The following WNT7A variants were observed in gnomAD, a reference collection of about 807,000 sequenced individuals.
WNT7A encodes the protein Wnt family member 7A.
WNT7A carries 16 observed loss-of-function variants against 28.2 expected under a neutral mutation model. That is an observed-to-expected ratio of 0.57 (90% CI 0.38 to 0.86). WNT7A has a LOEUF of 0.86. Among genes scored for constraint, WNT7A ranks in the 40% least tolerant of loss-of-function variants. WNT7A has a pLI of 0.00. For synonymous variants in WNT7A, 190 were observed against 195.9 expected, an observed-to-expected ratio of 0.97 and a Z score of 0.25; for missense variants, 411 against 489.7, an observed-to-expected ratio of 0.84 and a Z score of 1.52.
intron 3 of WNT7A, among the ~76,000 whole-genome samples, chr3:13,840,967 A>G (rs1036134967): frequency 1.3e-5 from 2 of 152,202 alleles, no homozygotes; most frequent in African/African-American, 4.8e-5. Flanking sequence ...TCATATTTAC[A>G]TGCAGTAATT....
At chr3:13,859,129 CACCG>C (rs1256176830) in intron 2 of WNT7A, among the ~76,000 whole-genome samples, 6 of 152,236 alleles carry the variant, frequency 3.9e-5, no homozygotes, top group Admixed American at 2.6e-4. Flanking sequence ...TTGTTACTAT[CACCG>C]AGTCCCATTT....
In WNT7A at chr3:13,820,120, T is replaced by C. The variant is rs181824908; in HGVS notation, c.571-697A>G. 5.1e-3 allele frequency among the ~76,000 whole-genome samples: 771 copies of C among 152,344 alleles called. 3 individuals are homozygous for C. Among genetic ancestry groups the C allele is most frequent in the Non-Finnish European group, 6.8e-3 (460 of 68,028 alleles). Reference sequence around the variant, plus strand: ...TCTTTGGGACTAAAGCTTCTCTCCCTTCCTCCACCATCCTAAGTCATGAAT... The same window carrying C: ...TCTTTGGGACTAAAGCTTCTCTCCCCTCCTCCACCATCCTAAGTCATGAAT... On this transcript the variant is annotated intron_variant, in intron 3 of 3. Coordinates refer to ENST00000285018, the MANE Select transcript of WNT7A (RefSeq NM_004625.4).
intron 2 of WNT7A, among the ~76,000 whole-genome samples, chr3:13,862,002 C>T (rs75266705): frequency 0.012 from 1,859 of 152,324 alleles, 38 homozygotes; most frequent in African/African-American, 0.041. Context: ...CAGCTCAGAA[C>T]TCAGATAAGA....
intron 3 of WNT7A, among the ~76,000 whole-genome samples, chr3:13,834,019 G>C (rs1466592690): frequency 2.6e-5 from 4 of 152,218 alleles, no homozygotes; most frequent in Non-Finnish European, 4.4e-5. Flanking sequence ...ACGGGCATAA[G>C]GCTGATACCA....
chr3:13,854,658 C>T lies in WNT7A; in HGVS notation c.444G>A (p.Lys148=), dbSNP rs1694699823. ...QGQYHRDEGW[K]WGGCSADIRY... ...GGATGTCGGCAGAGCAGCCACCCCA[C>T]TTCCAGCCCTCGTCCCGGTGGTACT... The change falls in exon 3 of 4, where the codon AAG becomes AAA. Residue 148 remains lysine (K), a synonymous_variant. Coordinates refer to ENST00000285018, the MANE Select transcript of WNT7A (RefSeq NM_004625.4). The T allele has an allele frequency of 6.2e-7, 1 of 1,614,074 alleles. No individual in the cohort carries two copies. Among genetic ancestry groups the T allele is most frequent in the Non-Finnish European group, 8.5e-7 (1 of 1,180,048 alleles).
At chr3:13,868,136 A>G (rs974076407) in intron 2 of WNT7A, among the ~76,000 whole-genome samples, 8 of 152,104 alleles carry the variant, frequency 5.3e-5, no homozygotes, top group African/African-American at 1.9e-4. Context: ...GACATGAGGG[A>G]GGCTCACAAA....
intron 3 of WNT7A, among the ~76,000 whole-genome samples, chr3:13,820,358 G>A (rs368393951): frequency 6.6e-6 from 1 of 151,736 alleles, no homozygotes; most frequent in Admixed American, 6.6e-5. Context: ...TTTATGTATG[G>A]CATCTTATTA....
At chr3:13,868,729 A>AAAGAAAGAAAGAAAGAAAGG in intron 2 of WNT7A, among the ~76,000 whole-genome samples, 1 of 148,748 alleles carries the variant, frequency 6.7e-6, no homozygotes, top group Non-Finnish European at 1.5e-5. Flanking sequence ...AGAAAGAAAG[A>AAAGAAAGAAAGAAAGAAAGG]AAGAAAGAAG....
intron 3 of WNT7A, among the ~76,000 whole-genome samples, chr3:13,853,652 G>A (rs973501559): frequency 2.0e-5 from 3 of 152,186 alleles, no homozygotes; most frequent in Non-Finnish European, 4.4e-5. Flanking sequence ...GTTGCCCACG[G>A]GCTCATGGCA....
Position 13,829,910 on chromosome 3 carries a change from C to T in WNT7A, c.571-10487G>A, listed in dbSNP as rs938283377. Among the ~76,000 whole-genome samples the T allele has an allele frequency of 3.3e-5, 5 of 152,112 alleles. 1 individual carries two copies. The highest frequency in any genetic ancestry group is 1.2e-4 in the African/African-American group (5 of 41,416). On this transcript the variant is annotated intron_variant, in intron 3 of 3. Transcript: ENST00000285018. ...CCCAGCCCTTCATCCTTTCTCCTGC[C>T]TTCTCCAACACCCAGGTCAACTCAC... is the stretch of plus-strand genomic sequence containing the variant.
chr3:13,820,234 CTTCA>C (rs1694085949), intron 3 of WNT7A, among the ~76,000 whole-genome samples: 3 of 152,166 alleles, frequency 2.0e-5, no homozygotes, highest in Admixed American at 6.5e-5. Context: ...TTTTATTCTC[CTTCA>C]TTCAGACTGT....
intron 3 of WNT7A, among the ~76,000 whole-genome samples, chr3:13,826,385 C>G (rs80246216): frequency 0.1 from 15,504 of 152,160 alleles, 982 homozygotes; most frequent in Middle Eastern, 0.19. Flanking sequence ...GAAGCCTCCC[C>G]CAAGAAGGCC....
At chr3:13,878,084 G>A (rs1695136602) in intron 1 of WNT7A, among the ~76,000 whole-genome samples, 1 of 152,176 alleles carries the variant, frequency 6.6e-6, no homozygotes, top group Non-Finnish European at 1.5e-5. Flanking sequence ...ACCCCAGAGG[G>A]CAGCTTGGGG....
intron 3 of WNT7A, among the ~76,000 whole-genome samples, chr3:13,829,965 C>T (rs1364772216): frequency 1.3e-5 from 2 of 152,286 alleles, no homozygotes; most frequent in East Asian, 3.9e-4. Flanking sequence ...TGCAAACACC[C>T]TCCCAGCGCT....
At chr3:13,839,654 AAAAC>A (rs972391240) in intron 3 of WNT7A, among the ~76,000 whole-genome samples, 5 of 152,234 alleles carry the variant, frequency 3.3e-5, no homozygotes, top group African/African-American at 1.2e-4. Flanking sequence ...GTGTGTTTTA[AAAAC>A]AAACAAACAA....
intron 3 of WNT7A, among the ~76,000 whole-genome samples, chr3:13,849,473 G>A (rs1005107398): frequency 3.9e-5 from 6 of 152,182 alleles, no homozygotes; most frequent in African/African-American, 1.2e-4. Context: ...CCAAGACAGA[G>A]CAAGCACTTG....
At chr3:13,872,773 C>G (rs910594001) in intron 2 of WNT7A, among the ~76,000 whole-genome samples, 2 of 152,194 alleles carry the variant, frequency 1.3e-5, no homozygotes, top group East Asian at 3.9e-4. Flanking sequence ...CACTGCAGCC[C>G]TCCTGCTCCA....
chr3:13,837,378 A>T (rs1359085630), intron 3 of WNT7A, among the ~76,000 whole-genome samples: 3 of 136,580 alleles, frequency 2.2e-5, no homozygotes, highest in Admixed American at 1.4e-4. Flanking sequence ...CCTGTCTCAC[A>T]TCCCCCCGGC....
chr3:13,869,481 A>T (rs1694994397), intron 2 of WNT7A, among the ~76,000 whole-genome samples: 1 of 142,890 alleles, frequency 7.0e-6, no homozygotes, highest in South Asian at 2.5e-4. Flanking sequence ...AAGGGAGGAG[A>T]GAGGGGAGGG....
Sources: allele counts gnomAD v4.1 joint callset (sites outside exome capture counted in the v4.1 genomes callset), GRCh38; gene constraint gnomAD v4.1.1; transcripts MANE v1.5; gene names NCBI Gene and HGNC (gene_info 2026-07-23, HGNC 2026-07-21).